Variants in ZPBP observed in about 807,000 individuals in gnomAD.
The protein encoded by ZPBP is zona pellucida-binding protein 1.
A neutral mutation model predicts 44.8 loss-of-function variants in ZPBP; 26 were observed. The ratio of observed to expected loss-of-function variants is 0.58; its 90% confidence interval spans 0.43 to 0.81. The LOEUF is 0.81. Ranked by LOEUF, ZPBP falls within the 30% of genes least tolerant of loss-of-function variation. ZPBP has a pLI of 0.00. For synonymous variants in ZPBP, 174 were observed against 153.2 expected (o/e 1.14, Z -1.00); for missense variants, 409 against 434.0 (o/e 0.94, Z 0.51).
intron 7 of ZPBP, among the ~76,000 whole-genome samples, chr7:49,972,813 A>T (rs1406593983): frequency 6.6e-6 from 1 of 152,014 alleles, no homozygotes; most frequent in African/African-American, 2.4e-5. Context: ...ACATTTCCTG[A>T]TGTCTAAACG....
At chr7:50,058,237 C>G in intron 3 of ZPBP, 96 bp from the exon 4 acceptor site, 1 of 1,329,446 alleles carries the variant, frequency 7.5e-7, no homozygotes. Context: ...AATTTACCAA[C>G]ACAGTCAATG....
downstream of ZPBP, among the ~76,000 whole-genome samples, chr7:49,933,913 GA>G (rs1794540298): frequency 7.2e-6 from 1 of 138,160 alleles, no homozygotes; most frequent in Non-Finnish European, 1.6e-5. Flanking sequence ...GGGCTGGGGG[GA>G]GGGGGGAGGG....
chr7:49,977,257 G>A (rs1222583275), intron 7 of ZPBP, among the ~76,000 whole-genome samples: 1 of 151,970 alleles, frequency 6.6e-6, no homozygotes, highest in East Asian at 1.9e-4. Context: ...TTCAAAATAA[G>A]AACAATGTCT....
chr7:49,885,855 G>A (rs561474782), intron 2 of ZPBP, among the ~76,000 whole-genome samples: 35 of 152,370 alleles, frequency 2.3e-4, no homozygotes, highest in African/African-American at 8.2e-4. Flanking sequence ...CAGCATTCAG[G>A]GTACACCTGG....
chr7:49,845,194 T>C, the ZPBP span, among the ~76,000 whole-genome samples: 7 of 151,636 alleles, frequency 4.6e-5, no homozygotes, highest in African/African-American at 1.7e-4. Flanking sequence ...AATACCTAGG[T>C]GATGGGTTGA....
chr7:50,063,259 G>T (rs1801337226), intron 3 of ZPBP, among the ~76,000 whole-genome samples: 1 of 152,128 alleles, frequency 6.6e-6, no homozygotes, highest in African/African-American at 2.4e-5. Context: ...TTCTCAGGGG[G>T]AATTGGGTTT....
At chr7:50,056,182 T>A (rs1196819464) in intron 4 of ZPBP, 1 of 152,194 alleles carries the variant, frequency 6.6e-6, no homozygotes, top group East Asian at 1.9e-4. Context: ...ACAAATTTAT[T>A]ACCTTATGGC....
At chr7:49,920,335 A>C (rs921857639) in intron 1 of ZPBP, 11 of 152,198 alleles carry the variant, frequency 7.2e-5, no homozygotes, top group Non-Finnish European at 1.2e-4. Flanking sequence ...GAATGATGTA[A>C]ATTTTCCAGC....
Position 49,894,687 on chromosome 7 carries a change from C to T in ZPBP, n.509+6431G>A, listed in dbSNP as rs948374221. Among the ~76,000 whole-genome samples, 8 of 152,290 alleles carry T rather than the reference C, an allele frequency of 5.3e-5. No individual in the cohort carries two copies. In the South Asian group the frequency reaches 6.2e-4, roughly 12 times the overall value. Reference sequence around the variant, plus strand: ...TGAGGGACTTCCAATCAGGGAAAAGCGTGGGTGGGGGCCTAGGGCTGTCAC... The same window carrying T: ...TGAGGGACTTCCAATCAGGGAAAAGTGTGGGTGGGGGCCTAGGGCTGTCAC... On this transcript the variant is annotated intron_variant and non_coding_transcript_variant, in intron 2 of 2. Transcript: ENST00000465922.
At position 49,948,197 on chromosome 7, in the gene ZPBP, C is replaced by T. The variant is rs1240690849; in HGVS notation, c.962-10575G>A. 2.6e-5 allele frequency among the ~76,000 whole-genome samples: 4 copies of T among 152,298 alleles called. No individual in the cohort carries two copies. In the East Asian group the frequency reaches 7.8e-4, roughly 30 times the overall value. On this transcript the variant is annotated intron_variant, in intron 7 of 7. Coordinates refer to ENST00000046087, the MANE Select transcript of ZPBP (RefSeq NM_007009.3). Reference sequence around the variant, plus strand: ...CCACTTGTTGCTCTACTCCACAAAGCTGGTATCCAAGCTAATGCTTGATTC... The same window carrying T: ...CCACTTGTTGCTCTACTCCACAAAGTTGGTATCCAAGCTAATGCTTGATTC...
chr7:50,090,643 ACATG>A (rs1802937806), intron 1 of ZPBP, among the ~76,000 whole-genome samples: 1 of 151,574 alleles, frequency 6.6e-6, no homozygotes, highest in South Asian at 2.1e-4. Flanking sequence ...ATACACACAC[ACATG>A]CACACACACA....
chr7:49,980,562 T>A (rs1284310790), intron 7 of ZPBP, among the ~76,000 whole-genome samples: 1 of 151,654 alleles, frequency 6.6e-6, no homozygotes, highest in African/African-American at 2.4e-5. Flanking sequence ...CTTCCACCCA[T>A]GGCAGAAGGT....
chr7:49,920,621 A>G (rs762404417), intron 1 of ZPBP: 2 of 152,222 alleles, frequency 1.3e-5, no homozygotes, highest in Non-Finnish European at 2.9e-5. Context: ...TCATTTGTCT[A>G]TGTCAATACG....
chr7:49,863,175 T>C (rs1790729291), intron 2 of ZPBP, among the ~76,000 whole-genome samples: 1 of 152,218 alleles, frequency 6.6e-6, no homozygotes, highest in African/African-American at 2.4e-5. Flanking sequence ...TTTTCTTCTT[T>C]GTGAGTCAGC....
At chr7:50,052,056 C>G (rs956040348) in intron 4 of ZPBP, among the ~76,000 whole-genome samples, 2 of 151,984 alleles carry the variant, frequency 1.3e-5, no homozygotes, top group Non-Finnish European at 2.9e-5. Flanking sequence ...AATTTTTCAT[C>G]TTAATACAAA....
At chr7:49,882,599 A>T (rs575745455) in intron 2 of ZPBP, among the ~76,000 whole-genome samples, 1 of 152,152 alleles carries the variant, frequency 6.6e-6, no homozygotes, top group African/African-American at 2.4e-5. Flanking sequence ...AGAGACAGAG[A>T]TAGTGAGTAC....
intron 2 of ZPBP, among the ~76,000 whole-genome samples, chr7:49,854,130 T>C: frequency 6.6e-6 from 1 of 152,078 alleles, no homozygotes; most frequent in Non-Finnish European, 1.5e-5. Flanking sequence ...GACATTTGGG[T>C]TGGTTCCAAG....
chr7:49,893,186 G>A (rs1251833143), intron 2 of ZPBP, among the ~76,000 whole-genome samples: 2 of 152,122 alleles, frequency 1.3e-5, no homozygotes, highest in Non-Finnish European at 2.9e-5. Flanking sequence ...TGGAGACTGG[G>A]TGGCATATGA....
At chr7:49,869,007 T>C (rs1258631263) in intron 2 of ZPBP, among the ~76,000 whole-genome samples, 1 of 152,224 alleles carries the variant, frequency 6.6e-6, no homozygotes, top group Non-Finnish European at 1.5e-5. Context: ...TCTGAAGGGA[T>C]AAGCTATGAA....
Sources: allele counts gnomAD v4.1 joint callset (sites outside exome capture counted in the v4.1 genomes callset), GRCh38; gene constraint gnomAD v4.1.1; transcripts MANE v1.5; gene names NCBI Gene and HGNC (gene_info 2026-07-23, HGNC 2026-07-21).